ITPR1: variants seen among roughly 807,000 people sequenced by gnomAD.
ITPR1 encodes inositol 1,4,5-trisphosphate receptor type 1.
A neutral mutation model predicts 318.4 loss-of-function variants in ITPR1; 96 were observed. That is an observed-to-expected ratio of 0.30 (90% CI 0.26 to 0.36). The LOEUF is 0.36. ITPR1 is among the 10% of genes least tolerant of loss of function. ITPR1 has a pLI of 1.00. For synonymous variants in ITPR1, 1,312 were observed against 1,289.9 expected, an observed-to-expected ratio of 1.02 and a Z score of -0.37; for missense variants, 2,440 against 3,460.2, an observed-to-expected ratio of 0.71 and a Z score of 7.40.
At chr3:4,499,940 A>G (rs2080894993) in intron 2 of ITPR1, among the ~76,000 whole-genome samples, 1 of 152,094 alleles carries the variant, frequency 6.6e-6, no homozygotes, top group Non-Finnish European at 1.5e-5. Context: ...AACTTTGCTT[A>G]GGTGGGTGTG....
In ITPR1 at chr3:4,779,601, G is replaced by T; in HGVS notation, c.6343G>T (p.Glu2115Ter). The T allele has an allele frequency of 6.2e-7, 1 of 1,612,604 alleles. No individual in the cohort carries two copies. The highest frequency in any genetic ancestry group is 8.5e-7 in the Non-Finnish European group (1 of 1,178,976). ...LAIMESRHDS[E>*]NAERILYNMR... ...CATCATGGAAAGCAGGCACGACAGT[G>T]AAAACGCAGAGAGGATACTTTATAA... The change falls in exon 49 of 62, where the codon GAA (glutamate) becomes TAA (stop). Residue 2115 changes from glutamate (E) to a stop codon, truncating the protein, a stop_gained. Coordinates refer to ENST00000649015, the MANE Select transcript of ITPR1 (RefSeq NM_001378452.1). LOFTEE classifies it high-confidence loss of function. The surrounding 1 kb of genome is among the most constrained non-coding windows in gnomAD (Gnocchi z 4.0).
intron 61 of ITPR1, among the ~76,000 whole-genome samples, chr3:4,841,641 A>C (rs2106552778): frequency 6.6e-6 from 1 of 152,314 alleles, no homozygotes; most frequent in Middle Eastern, 3.4e-3. Flanking sequence ...CTGTGAACAC[A>C]TTGCTCTGGG....
At chr3:4,829,965 TTTTTTTTTTTTTTTG>T (rs2050353955) in intron 60 of ITPR1, among the ~76,000 whole-genome samples, 1 of 100,670 alleles carries the variant, frequency 9.9e-6, no homozygotes, top group East Asian at 3.1e-4. Context: ...TTTTTTTTTT[TTTTTTTTTTTTTTTG>T]TGTGTGTGTG....
At chr3:4,518,925 A>G (rs2082353465) in intron 3 of ITPR1, among the ~76,000 whole-genome samples, 1 of 152,192 alleles carries the variant, frequency 6.6e-6, no homozygotes, top group African/African-American at 2.4e-5. Context: ...CTCTTTATAA[A>G]AACAAGACGG....
At chr3:4,536,272 T>G (rs2083861727) in intron 4 of ITPR1, among the ~76,000 whole-genome samples, 1 of 152,216 alleles carries the variant, frequency 6.6e-6, no homozygotes, top group Admixed American at 6.5e-5. Flanking sequence ...TTTCTTAATT[T>G]CAGTTTTATG....
intron 60 of ITPR1, among the ~76,000 whole-genome samples, chr3:4,828,784 T>A (rs2050246704): frequency 6.6e-6 from 1 of 152,184 alleles, no homozygotes; most frequent in Non-Finnish European, 1.5e-5. Context: ...GGGTGATTGG[T>A]CATTCCAGTC....
chr3:4,688,618 G>C lies in ITPR1; in HGVS notation c.3826G>C (p.Gly1276Arg). The change falls in exon 31 of 62, where the codon GGG (glycine) becomes CGG (arginine). Residue 1276 changes from glycine to arginine, a missense_variant and splice_region_variant. Transcript: ENST00000649015. ...HKHINLFLNP[G>R]ILEAVTMQHI... Reference sequence around the variant, plus strand: ...ACACATAAACCTGTTTCTCAACCCAGGGGTAAGACTTGAGGCCAATCTGCA... The same window carrying C: ...ACACATAAACCTGTTTCTCAACCCACGGGTAAGACTTGAGGCCAATCTGCA... The C allele has an allele frequency of 6.2e-7, 1 of 1,613,200 alleles. No homozygotes were observed. The highest frequency in any genetic ancestry group is 8.5e-7 in the Non-Finnish European group (1 of 1,179,206).
At chr3:4,726,880 A>G (rs2042555347) in intron 41 of ITPR1, among the ~76,000 whole-genome samples, 1 of 152,232 alleles carries the variant, frequency 6.6e-6, no homozygotes, top group African/African-American at 2.4e-5. Context: ...TATGTTGGCC[A>G]AAAAGTCATA....
intron 2 of ITPR1, among the ~76,000 whole-genome samples, chr3:4,515,338 G>A (rs1461081599): frequency 6.6e-6 from 1 of 152,148 alleles, no homozygotes; most frequent in African/African-American, 2.4e-5. Context: ...GTTCCACACT[G>A]TTACAACTCT....
chr3:4,607,047 C>G (rs1426430663), intron 4 of ITPR1, among the ~76,000 whole-genome samples: 1 of 152,176 alleles, frequency 6.6e-6, no homozygotes, highest in African/African-American at 2.4e-5. Context: ...TTCTACCACA[C>G]CAAACAACAA....
intron 1 of ITPR1, among the ~76,000 whole-genome samples, chr3:4,494,131 C>T (rs767568337): frequency 3.3e-5 from 5 of 152,210 alleles, no homozygotes; most frequent in Non-Finnish European, 7.3e-5. Context: ...TTGGCCTTCT[C>T]GCCGGGAAAC....
At chr3:4,537,659 A>G (rs2084000858) in intron 4 of ITPR1, among the ~76,000 whole-genome samples, 1 of 152,200 alleles carries the variant, frequency 6.6e-6, no homozygotes, top group Admixed American at 6.5e-5. Context: ...GGGAGGATAG[A>G]AACAATAGGT....
chr3:4,795,096 C>T lies in ITPR1; in HGVS notation c.6840C>T (p.Asn2280=). 1.9e-6 allele frequency: 3 copies of T among 1,613,808 alleles called. No homozygotes were observed. The highest frequency in any genetic ancestry group is 1.7e-4 in the Middle Eastern group (1 of 6,060). The part of the protein sequence containing the change: ...AQPVLYWCAR[N]MSFWSSISFN... ...CCGTGTTGTACTGGTGTGCCCGCAACATGTCTTTCTGGAGCAGCATTTCGT... is the reference window on the plus strand; with the variant it reads ...CCGTGTTGTACTGGTGTGCCCGCAATATGTCTTTCTGGAGCAGCATTTCGT... The change falls in exon 53 of 62, where the codon AAC becomes AAT. Residue 2280 remains asparagine (N), a synonymous_variant. Transcript: ENST00000649015.
chr3:4,764,851 T>A (rs1347890845), intron 44 of ITPR1, among the ~76,000 whole-genome samples: 2 of 152,178 alleles, frequency 1.3e-5, no homozygotes, highest in African/African-American at 4.8e-5. Flanking sequence ...GCTGTCAATT[T>A]CATGGGGGAA....
chr3:4,731,558 G>T (rs2042928094), intron 42 of ITPR1, among the ~76,000 whole-genome samples: 1 of 152,068 alleles, frequency 6.6e-6, no homozygotes, highest in African/African-American at 2.4e-5. Flanking sequence ...TTTGTTTTCT[G>T]CACATTCATT....
chr3:4,738,992 C>T (rs80098959), intron 44 of ITPR1, among the ~76,000 whole-genome samples: 2,096 of 152,286 alleles, frequency 0.014, 56 homozygotes, highest in African/African-American at 0.047. Flanking sequence ...CACAGGAGGC[C>T]GATGGTTCCA....
intron 54 of ITPR1, among the ~76,000 whole-genome samples, chr3:4,803,020 A>T (rs532732594): frequency 6.6e-6 from 1 of 152,242 alleles, no homozygotes; most frequent in African/African-American, 2.4e-5. Context: ...AATTGGCTTG[A>T]GGTTTTGCAG....
intron 24 of ITPR1, among the ~76,000 whole-genome samples, chr3:4,679,288 A>G (rs1000448034): frequency 2.0e-5 from 3 of 152,234 alleles, no homozygotes; most frequent in African/African-American, 7.2e-5. Flanking sequence ...ACATACAGAT[A>G]GACAAGAGGG....
At chr3:4,738,192 A>C (rs1028086793) in intron 44 of ITPR1, among the ~76,000 whole-genome samples, 4 of 152,354 alleles carry the variant, frequency 2.6e-5, no homozygotes, top group African/African-American at 9.6e-5. Flanking sequence ...CTGCAATTGC[A>C]ACCCTGAATT....
Sources: allele counts gnomAD v4.1 joint callset (sites outside exome capture counted in the v4.1 genomes callset), GRCh38; gene constraint gnomAD v4.1.1; non-coding constraint Gnocchi (gnomAD v3.1); transcripts MANE v1.5; gene names NCBI Gene and HGNC (gene_info 2026-07-23, HGNC 2026-07-21).